ZNF804A: variants seen among roughly 807,000 people sequenced by gnomAD.
The protein encoded by ZNF804A is zinc finger protein 804A.
Under a neutral mutation model 16.5 loss-of-function variants are expected in ZNF804A, and 2 were observed. The ratio of observed to expected loss-of-function variants is 0.12; its 90% CI spans 0.05 to 0.38. The LOEUF (loss-of-function observed/expected upper bound fraction) is 0.38. ZNF804A is among the 10% of genes least tolerant of loss of function. The pLI is 0.99. For synonymous variants in ZNF804A, 534 were observed against 489.6 expected (o/e 1.09, Z -1.20); for missense variants, 1,473 against 1,390.7 (o/e 1.06, Z -0.94).
chr2:184,820,989 G>T (rs569014844), intron 1 of ZNF804A, among the ~76,000 whole-genome samples: 1 of 152,114 alleles, frequency 6.6e-6, no homozygotes, highest in South Asian at 2.1e-4. Flanking sequence ...TTGCCATATT[G>T]CCCAAAGTAA....
chr2:184,745,520 A>G (rs1026863775), intron 1 of ZNF804A, among the ~76,000 whole-genome samples: 2 of 151,660 alleles, frequency 1.3e-5, no homozygotes, highest in Non-Finnish European at 3.0e-5. Context: ...ACTATCCTTC[A>G]GGGAACATAT....
chr2:184,854,504 G>T (rs1695657913), intron 1 of ZNF804A, among the ~76,000 whole-genome samples: 1 of 151,952 alleles, frequency 6.6e-6, no homozygotes, highest in East Asian at 1.9e-4. Context: ...CTACCCTGTG[G>T]TGTAAAAATA....
At chr2:184,899,881 TAA>T (rs1242475237) in intron 2 of ZNF804A, among the ~76,000 whole-genome samples, 2 of 151,976 alleles carry the variant, frequency 1.3e-5, no homozygotes, top group African/African-American at 4.8e-5. Flanking sequence ...GTTGCAAAAG[TAA>T]AGTTTTTCTT....
chr2:184,643,568 G>A (rs1439052953), intron 1 of ZNF804A, among the ~76,000 whole-genome samples: 2 of 151,770 alleles, frequency 1.3e-5, no homozygotes, highest in Non-Finnish European at 3.0e-5. Context: ...GTATCAAAAT[G>A]TTTTCTGGCT....
chr2:184,836,299 C>A (rs1471324592), intron 1 of ZNF804A, among the ~76,000 whole-genome samples: 5 of 152,058 alleles, frequency 3.3e-5, no homozygotes, highest in Admixed American at 3.3e-4. Flanking sequence ...AAGCAGTTTC[C>A]TAAAAAGGAG....
chr2:184,719,593 C>G (rs147709352), intron 1 of ZNF804A, among the ~76,000 whole-genome samples: 2 of 152,268 alleles, frequency 1.3e-5, no homozygotes, highest in East Asian at 3.9e-4. Flanking sequence ...ACCAGATACC[C>G]TAAATCATCT....
chr2:184,794,805 G>A (rs750693790), intron 1 of ZNF804A, among the ~76,000 whole-genome samples: 2 of 151,572 alleles, frequency 1.3e-5, no homozygotes, highest in Non-Finnish European at 3.0e-5. Flanking sequence ...GTAAAGGGGT[G>A]GAAAAAGAAA....
At chr2:184,728,590 G>A (rs1176168765) in intron 1 of ZNF804A, among the ~76,000 whole-genome samples, 2 of 151,838 alleles carry the variant, frequency 1.3e-5, no homozygotes, top group African/African-American at 2.4e-5. Flanking sequence ...TCTGAAGATG[G>A]GTGGTATTCT....
intron 1 of ZNF804A, among the ~76,000 whole-genome samples, chr2:184,798,642 T>C (rs1390178315): frequency 1.3e-5 from 2 of 152,134 alleles, no homozygotes; most frequent in Non-Finnish European, 2.9e-5. Context: ...ACTTCTTGTA[T>C]TATATTTTGG....
chr2:184,862,368 T>C (rs557340433), intron 1 of ZNF804A, among the ~76,000 whole-genome samples: 1 of 152,328 alleles, frequency 6.6e-6, no homozygotes, highest in South Asian at 2.1e-4. Context: ...TCCCTTAAGA[T>C]GCACATACAA....
intron 1 of ZNF804A, among the ~76,000 whole-genome samples, chr2:184,856,288 T>G (rs769336833): frequency 4.9e-4 from 75 of 152,184 alleles, no homozygotes; most frequent in Admixed American, 1.6e-3. Flanking sequence ...TTTCCAAATT[T>G]CTTCTCATTT....
At chr2:184,802,803 T>C (rs1694747214) in intron 1 of ZNF804A, among the ~76,000 whole-genome samples, 1 of 152,240 alleles carries the variant, frequency 6.6e-6, no homozygotes, top group African/African-American at 2.4e-5. Flanking sequence ...TTGCCATTAA[T>C]CTTCCAAATA....
intron 1 of ZNF804A, among the ~76,000 whole-genome samples, chr2:184,631,547 T>C (rs1450414221): frequency 6.6e-6 from 1 of 152,140 alleles, no homozygotes; most frequent in African/African-American, 2.4e-5. Context: ...CTCAATATAT[T>C]GAACAAGAAC....
At chr2:184,633,113 C>G (rs938867651) in intron 1 of ZNF804A, among the ~76,000 whole-genome samples, 1 of 152,138 alleles carries the variant, frequency 6.6e-6, no homozygotes. Context: ...GGCCCCAAAT[C>G]TTAGTTTATT....
intron 2 of ZNF804A, among the ~76,000 whole-genome samples, chr2:184,912,295 G>T (rs190451360): frequency 1.3e-5 from 2 of 151,852 alleles, no homozygotes. Context: ...CAATTTTTTT[G>T]TGGTGTATCC....
At position 184,762,088 on chromosome 2, in the gene ZNF804A, CTCTT is replaced by C. The variant is rs551256695; in HGVS notation, c.112-104279_112-104276del. 3.6e-4 allele frequency among the ~76,000 whole-genome samples: 54 copies of C among 152,078 alleles called. No homozygotes were observed. In the East Asian group the frequency reaches 0.01, roughly 29 times the overall value. ...CTGTCACATTCCATGATGTCTCTCTCTCTTTTTTTTTCTCACATTGTCTCCTCCT... is the reference window on the plus strand; with the variant it reads ...CTGTCACATTCCATGATGTCTCTCTCTTTTTTTCTCACATTGTCTCCTCCT... On this transcript the variant is annotated intron_variant, in intron 1 of 3. Coordinates refer to ENST00000302277, the MANE Select transcript of ZNF804A (RefSeq NM_194250.2).
chr2:184,871,733 T>C lies in ZNF804A; in HGVS notation c.255+5221T>C, dbSNP rs530128789. On this transcript the variant is annotated intron_variant, in intron 2 of 3. Transcript: ENST00000302277. ...ATGTCCTAAAAGCAAACCTTAATTGTTTAAAATTAAATAGTTTAAGAAAAT... is the reference window on the plus strand; with the variant it reads ...ATGTCCTAAAAGCAAACCTTAATTGCTTAAAATTAAATAGTTTAAGAAAAT... 1.1e-3 allele frequency among the ~76,000 whole-genome samples: 168 copies of C among 152,112 alleles called. 1 individual carries two copies. The highest frequency in any genetic ancestry group is 2.1e-3 in the Non-Finnish European group (141 of 67,948).
intron 1 of ZNF804A, among the ~76,000 whole-genome samples, chr2:184,664,068 C>T (rs967750088): frequency 1.3e-5 from 2 of 152,118 alleles, no homozygotes; most frequent in Admixed American, 6.5e-5. Flanking sequence ...TTTGTGTAGA[C>T]AAAAACTATT....
chr2:184,782,121 T>C (rs980722475), intron 1 of ZNF804A, among the ~76,000 whole-genome samples: 4 of 151,804 alleles, frequency 2.6e-5, no homozygotes, highest in South Asian at 2.1e-4. Context: ...GGGCCTTATC[T>C]TCAAATACAG....
Sources: allele counts gnomAD v4.1 joint callset (sites outside exome capture counted in the v4.1 genomes callset), GRCh38; gene constraint gnomAD v4.1.1; transcripts MANE v1.5; gene names NCBI Gene and HGNC (gene_info 2026-07-23, HGNC 2026-07-21).